CNGB3: variants seen among roughly 807,000 people sequenced by gnomAD.
CNGB3 encodes the protein cyclic nucleotide gated channel subunit beta 3, also known as cyclic nucleotide-gated channel beta-3.
In CNGB3, 86 loss-of-function variants were observed where a neutral mutation model predicts 92.8. The observed-to-expected ratio is 0.93, with a 90% confidence interval of 0.78 to 1.11. The LOEUF (loss-of-function observed/expected upper bound fraction) is 1.11. Ranked by LOEUF, CNGB3 falls within the 50% of genes least tolerant of loss-of-function variation. CNGB3 has a pLI of 0.00. For synonymous variants in CNGB3, 333 were observed against 332.7 expected (o/e 1.00, Z -0.01); for missense variants, 1,026 against 956.8 (o/e 1.07, Z -0.95).
intron 13 of CNGB3, among the ~76,000 whole-genome samples, chr8:86,618,903 T>C (rs1249211648): frequency 6.6e-6 from 1 of 152,234 alleles, no homozygotes; most frequent in Non-Finnish European, 1.5e-5. Context: ...TGGCTCAGTC[T>C]GTCACTCACA....
intron 1 of CNGB3, among the ~76,000 whole-genome samples, chr8:86,741,525 G>C (rs921758004): frequency 2.0e-5 from 3 of 152,068 alleles, no homozygotes; most frequent in Non-Finnish European, 4.4e-5. Context: ...AATGAGCTGG[G>C]TGTGGTGGCA....
chr8:86,663,137 T>C (rs919618741), intron 6 of CNGB3, among the ~76,000 whole-genome samples: 3 of 152,138 alleles, frequency 2.0e-5, no homozygotes, highest in African/African-American at 4.8e-5. Context: ...TTCTTCAGAT[T>C]GGTTTATAAA....
intron 13 of CNGB3, among the ~76,000 whole-genome samples, chr8:86,613,216 CA>C (rs1822553399): frequency 6.6e-6 from 1 of 152,148 alleles, no homozygotes; most frequent in Non-Finnish European, 1.5e-5. Context: ...GCAAAGTATA[CA>C]CGTTTTATTT....
rs190624430 is a variant in CNGB3 at position 86,643,815 on chromosome 8, A to G, written c.1114T>C (p.Tyr372His). Residue 372 changes from tyrosine (Y) to histidine (H), a missense_variant, in exon 10 of 18, where the codon TAC (tyrosine) becomes CAC (histidine). Tyr to His is a moderately conservative substitution (Grantham distance 83). Coordinates refer to ENST00000320005, the MANE Select transcript of CNGB3 (RefSeq NM_019098.5). ...ATTCCTTCATAGTTTGAAGCCCAGT[A>G]ATAAACACAGGCATTAATGTGCAGA... ...FILHINACVY[Y>H]WASNYEGIGT... The G allele has an allele frequency of 1.9e-6, 3 of 1,607,472 alleles. No homozygotes were observed. Among genetic ancestry groups the G allele is most frequent in the Admixed American group, 3.4e-5 (2 of 59,500 alleles).
intron 6 of CNGB3, among the ~76,000 whole-genome samples, chr8:86,666,140 C>G (rs1823735717): frequency 6.6e-6 from 1 of 152,192 alleles, no homozygotes; most frequent in Non-Finnish European, 1.5e-5. Context: ...TAATACCTAT[C>G]TTATTTTTAA....
intron 3 of CNGB3, chr8:86,707,582 A>G (rs1235163435): frequency 6.6e-6 from 1 of 152,584 alleles, no homozygotes; most frequent in African/African-American, 2.4e-5. Flanking sequence ...TTGAAGGCAG[A>G]TAATATGGGG....
At chr8:86,586,325 T>TA (rs1235852342) in intron 15 of CNGB3, among the ~76,000 whole-genome samples, 1 of 81,318 alleles carries the variant, frequency 1.2e-5, no homozygotes, top group East Asian at 2.7e-4. Context: ...TAATAGATAA[T>TA]ATTTTTTTTT....
intron 12 of CNGB3, among the ~76,000 whole-genome samples, chr8:86,628,384 A>G (rs1180757257): frequency 2.0e-5 from 3 of 152,154 alleles, no homozygotes; most frequent in Non-Finnish European, 4.4e-5. Context: ...CCCAGCCTCA[A>G]AAGTTATATG....
intron 6 of CNGB3, among the ~76,000 whole-genome samples, chr8:86,664,106 G>T (rs1823696163): frequency 6.6e-6 from 1 of 152,128 alleles, no homozygotes; most frequent in South Asian, 2.1e-4. Context: ...CTCTGGGGAT[G>T]GTGCTGGTGA....
chr8:86,620,800 T>C (rs1822710748), intron 13 of CNGB3, among the ~76,000 whole-genome samples: 1 of 152,074 alleles, frequency 6.6e-6, no homozygotes, highest in Non-Finnish European at 1.5e-5. Flanking sequence ...ATTTCCTTCC[T>C]AAGAAAATAA....
intron 14 of CNGB3, among the ~76,000 whole-genome samples, chr8:86,605,709 T>C (rs1216073243): frequency 6.6e-6 from 1 of 152,224 alleles, no homozygotes; most frequent in Non-Finnish European, 1.5e-5. Context: ...GTTGCAGTGC[T>C]GAACGCAGGC....
chr8:86,659,512 A>T, intron 6 of CNGB3: 1 of 606,872 alleles, frequency 1.6e-6, no homozygotes, highest in Non-Finnish European at 3.1e-6. Flanking sequence ...ATCCTCATAT[A>T]ACTCCAGCCT....
At chr8:86,641,293 G>T (rs1451250554) in intron 10 of CNGB3, among the ~76,000 whole-genome samples, 1 of 151,948 alleles carries the variant, frequency 6.6e-6, no homozygotes, top group Admixed American at 6.6e-5. Context: ...TCCTTGTTTA[G>T]CATATAATCA....
chr8:86,650,056 C>T (rs1823370084), intron 7 of CNGB3, among the ~76,000 whole-genome samples: 1 of 151,230 alleles, frequency 6.6e-6, no homozygotes, highest in Non-Finnish European at 1.5e-5. Flanking sequence ...GCCCCCCCGC[C>T]CAAATTGCAT....
At position 86,680,982 on chromosome 8, in the gene CNGB3, C is replaced by T. The variant is rs149473073; in HGVS notation, c.339-9884G>A. Among the ~76,000 whole-genome samples, 141 of 152,206 alleles carry T rather than the reference C, an allele frequency of 9.3e-4. No individual in the cohort carries two copies. In the South Asian group the frequency reaches 1.0e-2, roughly 11 times the overall value. ...AAAATGCTTCTATCCCCAAGGTAAA[C>T]GGCTCCTACGCTTTGCTCTGTGTCC... On this transcript the variant is annotated intron_variant, in intron 3 of 17. Transcript: ENST00000320005.
chr8:86,690,613 T>C (rs1286160991), intron 3 of CNGB3, among the ~76,000 whole-genome samples: 1 of 152,212 alleles, frequency 6.6e-6, no homozygotes, highest in Non-Finnish European at 1.5e-5. Flanking sequence ...TTTTGGTGTC[T>C]TAGACATGAA....
chr8:86,707,023 A>C (rs1211125376), intron 3 of CNGB3, among the ~76,000 whole-genome samples: 2 of 152,248 alleles, frequency 1.3e-5, no homozygotes, highest in Non-Finnish European at 2.9e-5. Context: ...AGAGGCTCAG[A>C]GTTACTTAAG....
chr8:86,716,366 T>G (rs1220336569), intron 3 of CNGB3, among the ~76,000 whole-genome samples: 10 of 152,024 alleles, frequency 6.6e-5, no homozygotes, highest in Admixed American at 6.6e-4. Flanking sequence ...TACAAGAAGC[T>G]CAAAGAACAC....
At chr8:86,609,592 T>C (rs1282050485) in intron 14 of CNGB3, among the ~76,000 whole-genome samples, 3 of 152,204 alleles carry the variant, frequency 2.0e-5, no homozygotes, top group Non-Finnish European at 4.4e-5. Flanking sequence ...CTTGAGCTTT[T>C]CTTGAAGTCT....
Sources: gnomAD v4.1 joint callset for allele counts (sites outside exome capture counted in the v4.1 genomes callset) on GRCh38, gnomAD v4.1.1 for gene constraint, MANE v1.5 for transcripts, NCBI Gene and HGNC (gene_info 2026-07-23, HGNC 2026-07-21) for gene names.